CDC42SE2: variants seen among roughly 807,000 people sequenced by gnomAD.
The protein encoded by CDC42SE2 is CDC42 small effector 2, also known as CDC42 small effector protein 2.
Under a neutral mutation model 11.5 loss-of-function variants are expected in CDC42SE2, and 3 were observed. That is an observed-to-expected ratio of 0.26 (90% CI 0.12 to 0.67). The LOEUF (loss-of-function observed/expected upper bound fraction) is 0.67, where lower values mean the gene tolerates loss of function less well. Ranked by LOEUF, CDC42SE2 falls within the 30% of genes least tolerant of loss-of-function variation. The pLI, the probability that CDC42SE2 is intolerant of heterozygous loss-of-function variation, is 0.80. For synonymous variants in CDC42SE2, 33 were observed against 34.8 expected (o/e 0.95, Z 0.18); for missense variants, 82 against 106.8 (o/e 0.77, Z 1.02).
At chr5:131,365,674 A>C (rs1488754533) in intron 3 of CDC42SE2, among the ~76,000 whole-genome samples, 1 of 152,210 alleles carries the variant, frequency 6.6e-6, no homozygotes, top group Non-Finnish European at 1.5e-5. Flanking sequence ...GATTTACTTA[A>C]TAAAAGAAGA....
intron 1 of CDC42SE2, among the ~76,000 whole-genome samples, chr5:131,310,872 A>G (rs1193600765): frequency 2.6e-5 from 4 of 152,126 alleles, no homozygotes; most frequent in South Asian, 2.1e-4. Context: ...AATACAGCAC[A>G]CTGATGGGTC....
rs568321362 is a variant in CDC42SE2 at position 131,305,026 on chromosome 5, CA to C, written c.-454-10949del. The stretch of plus-strand genomic sequence containing the variant: ...GCCCTTTGTAGGCCCTCCTTTTGCC[CA>C]CCCACCCACATTCCTAGGAGATTAG... On this transcript the variant is annotated intron_variant, in intron 1 of 4. Coordinates refer to ENST00000505065, the MANE Select transcript of CDC42SE2 (RefSeq NM_001375635.1). 4.1e-3 allele frequency among the ~76,000 whole-genome samples: 631 copies of C among 152,196 alleles called. 6 individuals carry two copies. Among genetic ancestry groups the C allele is most frequent in the African/African-American group, 0.015 (611 of 41,506 alleles).
the CDC42SE2 span, among the ~76,000 whole-genome samples, chr5:131,220,887 T>C: frequency 6.7e-6 from 1 of 149,750 alleles, no homozygotes; most frequent in Non-Finnish European, 1.5e-5. Context: ...CAGAAACCTT[T>C]TTTTTTTTTT....
intron 1 of CDC42SE2, among the ~76,000 whole-genome samples, chr5:131,248,257 A>G (rs1756612437): frequency 6.6e-6 from 1 of 152,076 alleles, no homozygotes; most frequent in African/African-American, 2.4e-5. Context: ...CTCCTGCCTC[A>G]GCCTCCTGAG....
At chr5:131,390,846 T>C (rs141554549) in intron 4 of CDC42SE2, 147 bp from the exon 5 acceptor site, 103 of 421,804 alleles carry the variant, frequency 2.4e-4, no homozygotes, top group Non-Finnish European at 4.1e-4. Context: ...ACTAGAAAAT[T>C]GTTTGTCTAT....
chr5:131,365,300 A>G (rs1370453936), intron 3 of CDC42SE2, among the ~76,000 whole-genome samples: 1 of 152,106 alleles, frequency 6.6e-6, no homozygotes, highest in Non-Finnish European at 1.5e-5. Context: ...GTCTCAAAAA[A>G]AAAAAAGAAA....
intron 1 of CDC42SE2, among the ~76,000 whole-genome samples, chr5:131,265,214 T>C (rs1325978971): frequency 1.3e-5 from 2 of 152,184 alleles, no homozygotes; most frequent in South Asian, 2.1e-4. Flanking sequence ...ATAGAAAATA[T>C]ATATCAAATT....
intron 2 of CDC42SE2, among the ~76,000 whole-genome samples, chr5:131,347,446 C>T (rs1482709357): frequency 1.3e-5 from 2 of 152,032 alleles, no homozygotes; most frequent in African/African-American, 4.8e-5. Context: ...AAGACTAAAC[C>T]AGGAAGAAGT....
intron 1 of CDC42SE2, among the ~76,000 whole-genome samples, chr5:131,302,351 G>A (rs929076762): frequency 2.0e-5 from 3 of 152,128 alleles, no homozygotes; most frequent in African/African-American, 7.2e-5. Context: ...GGCTATTTTT[G>A]TATTTTTAGT....
the CDC42SE2 span, among the ~76,000 whole-genome samples, chr5:131,235,897 T>A: frequency 6.6e-6 from 1 of 152,148 alleles, no homozygotes; most frequent in Non-Finnish European, 1.5e-5. Flanking sequence ...CCCGGCCCCA[T>A]CCAGAAATAA....
rs1490948382 is a variant in CDC42SE2 at position 131,350,635 on chromosome 5, G to GTA, written c.-285-8573_-285-8572insAT. Among the ~76,000 whole-genome samples the GTA allele has an allele frequency of 4.6e-3, 630 of 136,794 alleles. 3 individuals carry two copies. Among genetic ancestry groups the GTA allele is most frequent in the African/African-American group, 9.9e-3 (305 of 30,882 alleles). The allele number at this position is 136,794 out of a possible 152,430, so 89.7% of individuals were successfully genotyped here. Reference sequence around the variant, plus strand: ...TGTGTGTGTGTGTGTGTGTGTGTGTGTGTATATATATATGTATATATAATT... The same window carrying GTA: ...TGTGTGTGTGTGTGTGTGTGTGTGTGTATGTATATATATATGTATATATAATT... On this transcript the variant is annotated intron_variant, in intron 2 of 4. Coordinates refer to ENST00000505065, the MANE Select transcript of CDC42SE2 (RefSeq NM_001375635.1).
chr5:131,229,779 C>T, the CDC42SE2 span, among the ~76,000 whole-genome samples: 2 of 152,200 alleles, frequency 1.3e-5, no homozygotes, highest in African/African-American at 4.8e-5. Flanking sequence ...ATTAAGAATA[C>T]AAAAATTAGC....
chr5:131,267,079 G>T (rs1364962042), intron 1 of CDC42SE2, among the ~76,000 whole-genome samples: 54 of 141,604 alleles, frequency 3.8e-4, no homozygotes, highest in Non-Finnish European at 5.6e-4. Context: ...TTTTTGAAAC[G>T]GAGTCTTGCT....
intron 1 of CDC42SE2, among the ~76,000 whole-genome samples, chr5:131,310,111 G>A (rs1402795725): frequency 6.6e-6 from 1 of 151,972 alleles, no homozygotes; most frequent in African/African-American, 2.4e-5. Context: ...TCTACACACT[G>A]CTTTGAATGT....
intron 1 of CDC42SE2, among the ~76,000 whole-genome samples, chr5:131,306,379 G>GT (rs933811597): frequency 2.6e-5 from 4 of 151,634 alleles, no homozygotes; most frequent in African/African-American, 9.6e-5. Flanking sequence ...TGTGTTCTTG[G>GT]TAACTTTGTT....
chr5:131,319,003 G>A (rs1373934729), intron 2 of CDC42SE2, among the ~76,000 whole-genome samples: 1 of 152,136 alleles, frequency 6.6e-6, no homozygotes, highest in Non-Finnish European at 1.5e-5. Flanking sequence ...CAGGGTTCAA[G>A]CGATTCTCCT....
rs1461344683 is a variant in CDC42SE2, at chr5:131,274,483, G to A, written c.-455+10317G>A. ...GCTGCCACCTCTGTAAGCAACCATC[G>A]TCTCTTGCATGTATTATTTTAGTAG... is the stretch of plus-strand genomic sequence containing the variant. On this transcript the variant is annotated intron_variant, in intron 1 of 4. Transcript: ENST00000505065. 4.6e-5 allele frequency among the ~76,000 whole-genome samples: 7 copies of A among 152,140 alleles called. No individual in the cohort carries two copies. In the South Asian group the frequency reaches 1.0e-3, roughly 23 times the overall value.
chr5:131,286,942 G>A (rs1757353679), intron 1 of CDC42SE2, among the ~76,000 whole-genome samples: 2 of 151,852 alleles, frequency 1.3e-5, no homozygotes, highest in Non-Finnish European at 2.9e-5. Context: ...ACAGGTTGCC[G>A]GGACCATAAT....
At chr5:131,374,628 CAA>C (rs1014230333) in intron 3 of CDC42SE2, among the ~76,000 whole-genome samples, 3 of 150,064 alleles carry the variant, frequency 2.0e-5, no homozygotes, top group Non-Finnish European at 4.4e-5. Context: ...AATTCCAGTG[CAA>C]AGTGTGGTGT....
Sources: gnomAD v4.1 joint callset for allele counts (sites outside exome capture counted in the v4.1 genomes callset) on GRCh38, gnomAD v4.1.1 for gene constraint, MANE v1.5 for transcripts, NCBI Gene and HGNC (gene_info 2026-07-23, HGNC 2026-07-21) for gene names.